Variants in SLC2A7 observed in about 807,000 individuals in gnomAD.
SLC2A7 encodes the protein solute carrier family 2 member 7.
Under a neutral mutation model 50.5 loss-of-function variants are expected in SLC2A7, and 50 were observed. That is an observed-to-expected ratio of 0.99 (90% confidence interval 0.79 to 1.25). The LOEUF (loss-of-function observed/expected upper bound fraction) is 1.25. SLC2A7 is among the 50% of genes most tolerant of loss of function. SLC2A7 has a pLI of 0.00. For synonymous variants in SLC2A7, 308 were observed against 300.4 expected (o/e 1.03, Z -0.26); for missense variants, 683 against 679.1 (o/e 1.01, Z -0.06).
the SLC2A7 span, among the ~76,000 whole-genome samples, chr1:8,994,779 G>C: frequency 3.3e-5 from 5 of 151,420 alleles, no homozygotes; most frequent in African/African-American, 1.2e-4. Flanking sequence ...TCTTTGTTTT[G>C]TTTTGTTTTG....
At chr1:9,007,531 A>C (rs1640673275) in intron 9 of SLC2A7, 146 bp from the exon 10 acceptor site, 1 of 701,828 alleles carries the variant, frequency 1.4e-6, no homozygotes, top group East Asian at 2.7e-5. Flanking sequence ...CTCTGTGGGC[A>C]AGAGAGGAAG....
the SLC2A7 span, among the ~76,000 whole-genome samples, chr1:8,996,352 T>C: frequency 3.1e-3 from 475 of 152,336 alleles, 3 homozygotes; most frequent in African/African-American, 0.01. Context: ...AGCGTGTCAA[T>C]AGTTCGTGTC....
chr1:8,996,267 A>G, the SLC2A7 span, among the ~76,000 whole-genome samples: 5 of 152,090 alleles, frequency 3.3e-5, no homozygotes, highest in Non-Finnish European at 7.3e-5. Flanking sequence ...CAACTGAAAT[A>G]ATATAGTAGG....
chr1:9,023,127 A>C, intron 2 of SLC2A7, 49 bp from the exon 3 acceptor site: 1 of 1,580,044 alleles, frequency 6.3e-7, no homozygotes, highest in Middle Eastern at 1.7e-4. Context: ...GCAGTTCATG[A>C]GAAATGAGAA....
rs1557651585 is a variant in SLC2A7, at chr1:9,018,273, ACTC to A, written c.536_538del (p.Gly179del). 6.2e-7 allele frequency: 1 copy of A among 1,613,732 alleles called. No individual in the cohort carries two copies. The highest frequency in any genetic ancestry group is 1.1e-5 in the South Asian group (1 of 91,070). ...GAGGCTGAAGATCTGTGCTAGGAAG[ACTC>A]CAACGATGACGAAAACCTCGGTCAT... On this transcript the variant is annotated inframe_deletion, in exon 5 of 12. Transcript: ENST00000400906.
chr1:8,999,405 C>A (rs906023823), downstream of SLC2A7, among the ~76,000 whole-genome samples: 4 of 152,210 alleles, frequency 2.6e-5, no homozygotes, highest in Non-Finnish European at 4.4e-5. Context: ...GTTCGTAACA[C>A]CCCCTTACTA....
chr1:9,003,635 A>G (rs1200034870), intron 11 of SLC2A7, 117 bp from the exon 12 acceptor site: 2 of 828,618 alleles, frequency 2.4e-6, no homozygotes, highest in African/African-American at 3.4e-5. Context: ...AGACAGGTGG[A>G]TCACCTGAGG....
At chr1:9,023,822 A>G (rs1640951162) in intron 2 of SLC2A7, among the ~76,000 whole-genome samples, 1 of 143,370 alleles carries the variant, frequency 7.0e-6, no homozygotes, top group South Asian at 2.3e-4. Flanking sequence ...GAGGCACCAT[A>G]GGAAATATTC....
intron 5 of SLC2A7, among the ~76,000 whole-genome samples, chr1:9,015,878 C>T (rs1386384684): frequency 1.4e-5 from 2 of 147,640 alleles, no homozygotes; most frequent in South Asian, 2.1e-4. Flanking sequence ...CGTGCATTAC[C>T]GCACCTGGCT....
At chr1:9,011,746 CTTTTTT>C (rs34758810) in intron 8 of SLC2A7, among the ~76,000 whole-genome samples, 4 of 93,228 alleles carry the variant, frequency 4.3e-5, no homozygotes, top group African/African-American at 4.6e-5. Context: ...TCTTCTTCTT[CTTTTTT>C]TTTTTTTTTT....
At chr1:9,006,257 C>T (rs1640652046) in intron 10 of SLC2A7, among the ~76,000 whole-genome samples, 1 of 152,092 alleles carries the variant, frequency 6.6e-6, no homozygotes, top group Non-Finnish European at 1.5e-5. Context: ...AATCCCCACC[C>T]GCTCCCCTTT....
chr1:9,021,857 T>G (rs1205851258), intron 3 of SLC2A7, among the ~76,000 whole-genome samples: 1 of 151,992 alleles, frequency 6.6e-6, no homozygotes. Context: ...GCTCTTCATC[T>G]GGAAAATGGG....
chr1:9,018,691 G>A (rs1640868355), intron 4 of SLC2A7, among the ~76,000 whole-genome samples: 1 of 152,104 alleles, frequency 6.6e-6, no homozygotes, highest in Non-Finnish European at 1.5e-5. Flanking sequence ...CTTTTGCTTT[G>A]GTCTATTTTC....
intron 3 of SLC2A7, 30 bp downstream of exon 3, chr1:9,022,888 T>A: frequency 6.2e-7 from 1 of 1,608,890 alleles, no homozygotes. Context: ...AGCATGAATT[T>A]TAAGTGGGAG....
At chr1:9,025,145 A>C (rs1569813758) in intron 1 of SLC2A7, 71 bp from the exon 2 acceptor site, 1 of 1,470,442 alleles carries the variant, frequency 6.8e-7, no homozygotes, top group Non-Finnish European at 9.4e-7. Flanking sequence ...CTGGGCCTCC[A>C]CCTCCCTCCA....
Position 9,023,089 on chromosome 1 carries a change from T to A in SLC2A7, c.151-11A>T. 3.1e-6 allele frequency: 5 copies of A among 1,611,528 alleles called. No homozygotes were observed. Among genetic ancestry groups the A allele is most frequent in the Non-Finnish European group, 3.4e-6 (4 of 1,178,026 alleles). ...AAATGACTTGAAGACCTGGAAAACA[T>A]TGCCCCATCCACAGCTAAGAATATT... On this transcript the variant is annotated splice_polypyrimidine_tract_variant and intron_variant, in intron 2 of 11. Transcript: ENST00000400906.
At chr1:9,011,183 A>G (rs1640743818) in intron 8 of SLC2A7, among the ~76,000 whole-genome samples, 1 of 151,994 alleles carries the variant, frequency 6.6e-6, no homozygotes, top group Non-Finnish European at 1.5e-5. Flanking sequence ...TCATCCTCAC[A>G]CTTCCCCTTC....
chr1:9,014,730 A>G lies in SLC2A7; in HGVS notation c.854T>C (p.Leu285Pro). 1.9e-6 allele frequency: 3 copies of G among 1,572,378 alleles called. No homozygotes were observed. The highest frequency in any genetic ancestry group is 2.6e-6 in the Non-Finnish European group (3 of 1,159,080). The change falls in exon 7 of 12, where the codon CTC becomes CCC. Residue 285 changes from leucine (L) to proline (P), a missense_variant. Leu to Pro is a moderately conservative substitution (Grantham distance 98). Coordinates refer to ENST00000400906, the MANE Select transcript of SLC2A7 (RefSeq NM_207420.3). The stretch of plus-strand genomic sequence containing the variant: ...GCCGGCCATGAGCACGATGATGGAG[A>G]GGAGCTGCCAGCGCAGGGACCGCAG... ...CALRSLRWQL[L>P]SIIVLMAGQQ... is the part of the protein sequence containing the mutation.
the SLC2A7 span, among the ~76,000 whole-genome samples, chr1:8,995,760 T>A: frequency 1.3e-5 from 2 of 152,238 alleles, no homozygotes; most frequent in South Asian, 2.1e-4. Flanking sequence ...AAAATTTTTT[T>A]ATTTAATTAA....
Sources: allele counts gnomAD v4.1 joint callset (sites outside exome capture counted in the v4.1 genomes callset), GRCh38; gene constraint gnomAD v4.1.1; transcripts MANE v1.5; gene names NCBI Gene and HGNC (gene_info 2026-07-23, HGNC 2026-07-21).